Variants in TBX5 observed in about 807,000 individuals in gnomAD.
TBX5 encodes T-box transcription factor 5, also known as T-box transcription factor TBX5.
A neutral mutation model predicts 51.1 loss-of-function variants in TBX5; 8 were observed. The observed-to-expected ratio is 0.16, with a 90% CI of 0.09 to 0.28. The LOEUF (loss-of-function observed/expected upper bound fraction) is 0.28. TBX5 is among the 10% of genes least tolerant of loss of function. The pLI is 1.00. For synonymous variants in TBX5, 302 were observed against 266.4 expected (o/e 1.13, Z -1.30); for missense variants, 589 against 671.7 (o/e 0.88, Z 1.36).
intron 7 of TBX5, among the ~76,000 whole-genome samples, chr12:114,376,868 G>C (rs1422455937): frequency 6.7e-6 from 1 of 148,176 alleles, no homozygotes; most frequent in Non-Finnish European, 1.5e-5. Flanking sequence ...TCCCAACCCT[G>C]TTCCTGAATA....
chr12:114,367,364 C>T (rs1296267353), intron 7 of TBX5, among the ~76,000 whole-genome samples: 1 of 152,108 alleles, frequency 6.6e-6, no homozygotes, highest in African/African-American at 2.4e-5. Context: ...ACACACAACC[C>T]TCCCCTGAGC....
In TBX5 at chr12:114,394,689, C is replaced by A. The variant is rs1871325235; in HGVS notation, c.663+52G>T. 1.9e-6 allele frequency: 3 copies of A among 1,612,746 alleles called. No individual in the cohort carries two copies. In the Admixed American group the frequency reaches 5.0e-5, roughly 27 times the overall value. On this transcript the variant is annotated intron_variant, in intron 6 of 8. Coordinates refer to ENST00000405440, the MANE Select transcript of TBX5 (RefSeq NM_181486.4). The stretch of plus-strand genomic sequence containing the variant: ...AGCAGGAAAACCTTGCAGATTCATG[C>A]AAAAGAAAGAGCAGACGGCCCCAGG...
At chr12:114,364,804 A>G (rs1869422598) in intron 8 of TBX5, among the ~76,000 whole-genome samples, 1 of 152,196 alleles carries the variant, frequency 6.6e-6, no homozygotes, top group East Asian at 1.9e-4. Flanking sequence ...ACAAAGTGAG[A>G]AACTGAGGCT....
intron 6 of TBX5, among the ~76,000 whole-genome samples, chr12:114,391,855 G>A (rs1230219300): frequency 1.3e-5 from 2 of 152,114 alleles, no homozygotes; most frequent in Admixed American, 1.3e-4. Context: ...CACTTGACTG[G>A]GAAAGTGCAC....
At chr12:114,399,722 T>C (rs1295191264) in intron 3 of TBX5, 90 bp from the exon 4 acceptor site, 1 of 1,593,682 alleles carries the variant, frequency 6.3e-7, no homozygotes, top group Non-Finnish European at 8.6e-7. Context: ...GAAAAAGCAA[T>C]TCCTGGAGAA....
chr12:114,406,850 A>AT (rs76878077), upstream of TBX5, among the ~76,000 whole-genome samples: 20,527 of 146,482 alleles, frequency 0.14, 1,443 homozygotes, highest in South Asian at 0.17. Context: ...TCTGAGATGT[A>AT]TTTTTTTTTT....
At chr12:114,365,965 A>G (rs1869505515) in intron 8 of TBX5, 200 bp downstream of exon 8, 3 of 672,274 alleles carry the variant, frequency 4.5e-6, no homozygotes, top group Non-Finnish European at 7.9e-6. Context: ...GAGGGGCTGG[A>G]ACTGGGGGTA....
At chr12:114,408,108 C>A (rs1846715368), upstream of TBX5, 2 of 985,444 alleles carry the variant, frequency 2.0e-6, no homozygotes, top group South Asian at 4.7e-5. Flanking sequence ...GGAGACGTCA[C>A]GAGTCACGCA....
At chr12:114,376,978 T>C (rs1870227536) in intron 7 of TBX5, among the ~76,000 whole-genome samples, 1 of 151,888 alleles carries the variant, frequency 6.6e-6, no homozygotes, top group Non-Finnish European at 1.5e-5. Context: ...CCTTGACAAA[T>C]AACCATGACC....
chr12:114,381,750 T>G (rs1174760095), intron 7 of TBX5, among the ~76,000 whole-genome samples: 1 of 152,162 alleles, frequency 6.6e-6, no homozygotes, highest in African/African-American at 2.4e-5. Context: ...AAGCCTTCTG[T>G]GGGAACCACT....
Position 114,400,895 on chromosome 12 carries a change from G to A in TBX5, c.242+931C>T, listed in dbSNP as rs184303503. Among the ~76,000 whole-genome samples the A allele has an allele frequency of 7.5e-3, 1,140 of 152,292 alleles. 17 individuals carry two copies. Among genetic ancestry groups the A allele is most frequent in the African/African-American group, 0.026 (1,077 of 41,560 alleles). On this transcript the variant is annotated intron_variant, in intron 3 of 8. Transcript: ENST00000405440. ...TTGAGGGAGGCTTCGGCTGGAGAACGGGGGCGGGGGGCGTCTGGAAAGGCG... is the reference window on the plus strand; with the variant it reads ...TTGAGGGAGGCTTCGGCTGGAGAACAGGGGCGGGGGGCGTCTGGAAAGGCG...
In TBX5 at chr12:114,356,116, C is replaced by G. The variant is rs766007057; in HGVS notation, c.983-10G>C. 4 of 1,607,132 alleles carry G rather than the reference C, an allele frequency of 2.5e-6. No individual in the cohort carries two copies. The highest frequency in any genetic ancestry group is 2.5e-6 in the Non-Finnish European group (3 of 1,179,836). On this transcript the variant is annotated splice_polypyrimidine_tract_variant and intron_variant, in intron 8 of 8. Transcript: ENST00000405440. ...GTGGAACATTCTTCCTCTGTGAAGACAGGAGAGACAGCAGTGAGGCCAGGA... is the reference window on the plus strand; with the variant it reads ...GTGGAACATTCTTCCTCTGTGAAGAGAGGAGAGACAGCAGTGAGGCCAGGA...
chr12:114,386,462 A>G (rs1475456081), intron 6 of TBX5, among the ~76,000 whole-genome samples: 1 of 152,242 alleles, frequency 6.6e-6, no homozygotes, highest in African/African-American at 2.4e-5. Context: ...TGAGAGCAGC[A>G]TGACTCAAAC....
intron 7 of TBX5, among the ~76,000 whole-genome samples, chr12:114,378,879 A>C (rs965658224): frequency 1.3e-5 from 2 of 152,078 alleles, no homozygotes; most frequent in African/African-American, 4.8e-5. Context: ...ATCTGAACCC[A>C]CCTGAGTGAG....
intron 3 of TBX5, among the ~76,000 whole-genome samples, chr12:114,400,232 CAGG>C (rs1287694785): frequency 1.3e-5 from 2 of 152,210 alleles, no homozygotes; most frequent in Non-Finnish European, 2.9e-5. Context: ...GGGTCTCTAG[CAGG>C]AGTTTATTCC....
Position 114,405,610 on chromosome 12 carries a change from A to C in TBX5, c.-39+18T>G. 1 of 809,152 alleles carries C rather than the reference A, an allele frequency of 1.2e-6. No homozygotes were observed. Among genetic ancestry groups the C allele is most frequent in the Non-Finnish European group, 1.5e-6 (1 of 668,942 alleles). 50.1% of individuals were successfully genotyped at this position (809,152 alleles called of 1,614,324 possible). A position where few individuals can be genotyped will look rare whatever the true frequency, so the allele number is the denominator to read the frequency against. The stretch of plus-strand genomic sequence containing the variant: ...AGCTCCCTCCTGAGCCTCCCGGGCC[A>C]TCTGCCGGGACGGTTACCTCGTTCG... On this transcript the variant is annotated intron_variant, in intron 1 of 8. Transcript: ENST00000405440.
intron 7 of TBX5, among the ~76,000 whole-genome samples, 183 bp downstream of exon 7, chr12:114,385,293 C>T (rs77090182): frequency 0.073 from 11,162 of 152,182 alleles, 557 homozygotes; most frequent in East Asian, 0.15. Flanking sequence ...TGCCCAATGG[C>T]GCCAACCACA....
chr12:114,366,324 T>G lies in TBX5; in HGVS notation c.823A>C (p.Ser275Arg). 1 of 1,614,074 alleles carries G rather than the reference T, an allele frequency of 6.2e-7. No homozygotes were observed. The highest frequency in any genetic ancestry group is 1.1e-5 in the South Asian group (1 of 91,076). The stretch of plus-strand genomic sequence containing the variant: ...GTGGAGAGAGCTCGAGACTCGCTGC[T>G]GAAAGGACTGTGGTTGGAGGCCACT... ...QKVASNHSPFSSESRALSTSS... is the reference protein window; with the variant it reads ...QKVASNHSPFRSESRALSTSS... The change falls in exon 8 of 9, where the codon AGC (serine) becomes CGC (arginine). Residue 275 changes from serine to arginine, a missense_variant. Ser to Arg is a moderately radical substitution (Grantham distance 110, BLOSUM62 -1). Around this residue, in one of 7 missense-constraint regions of TBX5, gnomAD observed 348 missense variants for 360.4 expected, o/e 0.97. Transcript: ENST00000405440.
At position 114,354,530 on chromosome 12, in the gene TBX5, G is replaced by C. The variant is rs1265962436; in HGVS notation, c.*1002C>G. On this transcript the variant is annotated 3_prime_UTR_variant, in exon 9 of 9. Transcript: ENST00000405440. ...TGCATTTTGCTTGACATCCAGTTTG[G>C]GTTGTTGGTGATGGAGGTTTGGAAG... The C allele has an allele frequency of 2.0e-5, 3 of 152,030 alleles. No homozygotes were observed. The highest frequency in any genetic ancestry group is 4.4e-5 in the Non-Finnish European group (3 of 68,002). The allele number at this position is 152,030 out of a possible 1,614,324, so 9.4% of individuals were successfully genotyped here. A position where few individuals can be genotyped will look rare whatever the true frequency, so the allele number is the denominator to read the frequency against.
Sources: allele counts gnomAD v4.1 joint callset (sites outside exome capture counted in the v4.1 genomes callset), GRCh38; gene constraint gnomAD v4.1.1; regional missense constraint gnomAD v4.1.1; transcripts MANE v1.5; gene names NCBI Gene and HGNC (gene_info 2026-07-23, HGNC 2026-07-21).